ITGA8: variants seen among roughly 807,000 people sequenced by gnomAD.
The protein encoded by ITGA8 is integrin subunit alpha 8.
ITGA8 carries 91 observed loss-of-function variants against 142.3 expected under a neutral mutation model. The observed-to-expected ratio is 0.64, with a 90% confidence interval of 0.54 to 0.76. The LOEUF is 0.76. ITGA8 is among the 30% of genes least tolerant of loss of function. The pLI is 0.00. For missense variants in ITGA8, 1,406 were observed against 1,327.7 expected, an observed-to-expected ratio of 1.06 and a Z score of -0.92; for synonymous variants, 505 against 485.2, an observed-to-expected ratio of 1.04 and a Z score of -0.54.
chr10:15,656,454 C>G (rs949572938), intron 10 of ITGA8, among the ~76,000 whole-genome samples: 1 of 152,016 alleles, frequency 6.6e-6, no homozygotes, highest in Non-Finnish European at 1.5e-5. Context: ...ACCTCCACCT[C>G]CTGGATTCAG....
chr10:15,551,998 TAGAA>T (rs376071340), intron 26 of ITGA8, among the ~76,000 whole-genome samples: 44 of 152,008 alleles, frequency 2.9e-4, no homozygotes, highest in African/African-American at 9.7e-4. Context: ...AGAGAAACAA[TAGAA>T]GGAAAAAAAT....
chr10:15,528,789 C>T (rs961935480), intron 28 of ITGA8, among the ~76,000 whole-genome samples: 1 of 152,156 alleles, frequency 6.6e-6, no homozygotes, highest in African/African-American at 2.4e-5. Context: ...ATCCCAAAGC[C>T]TCTGTTTTCT....
chr10:15,692,864 T>C (rs922854868), intron 2 of ITGA8, among the ~76,000 whole-genome samples: 3 of 152,212 alleles, frequency 2.0e-5, no homozygotes, highest in African/African-American at 7.2e-5. Flanking sequence ...GGCCAGGAGT[T>C]TGAGACCAGC....
intron 13 of ITGA8, among the ~76,000 whole-genome samples, chr10:15,625,439 T>C (rs1056114303): frequency 1.4e-5 from 2 of 147,384 alleles, no homozygotes; most frequent in African/African-American, 4.9e-5. Context: ...CTGAATCACA[T>C]GTGTGCCGTC....
intron 15 of ITGA8, 134 bp from the exon 16 acceptor site, chr10:15,608,424 CCCA>C: frequency 2.1e-5 from 11 of 536,050 alleles, no homozygotes; most frequent in South Asian, 5.0e-5. Flanking sequence ...CACACACACA[CCCA>C]CACACACACC....
intron 11 of ITGA8, among the ~76,000 whole-genome samples, chr10:15,650,143 C>G (rs1349791602): frequency 6.6e-6 from 1 of 152,076 alleles, no homozygotes; most frequent in African/African-American, 2.4e-5. Context: ...GGAGGAACCT[C>G]AAATATACAT....
chr10:15,556,024 T>C (rs1317470350), intron 26 of ITGA8, among the ~76,000 whole-genome samples: 46 of 77,818 alleles, frequency 5.9e-4, no homozygotes, highest in African/African-American at 2.1e-3. Flanking sequence ...CTCTCTTTTT[T>C]TTTTTTTTTT....
At chr10:15,557,324 G>T (rs1051217125) in intron 26 of ITGA8, among the ~76,000 whole-genome samples, 2 of 152,168 alleles carry the variant, frequency 1.3e-5, no homozygotes, top group East Asian at 1.9e-4. Flanking sequence ...AGGTTGCAGT[G>T]AGCTGAGATT....
At chr10:15,517,450 A>G (rs1832984913) in intron 29 of ITGA8, among the ~76,000 whole-genome samples, 1 of 151,846 alleles carries the variant, frequency 6.6e-6, no homozygotes, top group African/African-American at 2.4e-5. Flanking sequence ...CAGCCTCCGG[A>G]GTAGCTGGGA....
chr10:15,554,281 C>T (rs994037210), intron 26 of ITGA8, among the ~76,000 whole-genome samples: 4 of 152,142 alleles, frequency 2.6e-5, no homozygotes, highest in Non-Finnish European at 2.9e-5. Flanking sequence ...CTGATAACTC[C>T]GACCGGGACC....
intron 2 of ITGA8, among the ~76,000 whole-genome samples, chr10:15,691,489 G>A (rs1437852309): frequency 2.0e-5 from 3 of 152,140 alleles, no homozygotes; most frequent in Non-Finnish European, 4.4e-5. Context: ...TGTATATGAT[G>A]GAACACAATT....
intron 2 of ITGA8, among the ~76,000 whole-genome samples, chr10:15,698,432 T>A (rs1487077651): frequency 6.6e-6 from 1 of 152,226 alleles, no homozygotes; most frequent in African/African-American, 2.4e-5. Flanking sequence ...TACCTAGTAC[T>A]GGGATTGCTG....
chr10:15,519,708 T>C (rs1321529884), intron 28 of ITGA8, among the ~76,000 whole-genome samples: 2 of 152,162 alleles, frequency 1.3e-5, no homozygotes, highest in Non-Finnish European at 2.9e-5. Context: ...TGGAAAGGAA[T>C]GGCCTTCACT....
At chr10:15,636,120 C>G (rs148611057) in intron 13 of ITGA8, among the ~76,000 whole-genome samples, 186 of 152,254 alleles carry the variant, frequency 1.2e-3, no homozygotes, top group African/African-American at 4.3e-3. Flanking sequence ...AGGATTTCTG[C>G]CCCTCAACAA....
intron 13 of ITGA8, among the ~76,000 whole-genome samples, chr10:15,642,764 A>G (rs1026713411): frequency 5.9e-5 from 9 of 152,228 alleles, no homozygotes; most frequent in Non-Finnish European, 1.0e-4. Context: ...TGGCAAATTT[A>G]TAAGAATATG....
chr10:15,524,584 T>C (rs1833132077), intron 28 of ITGA8, among the ~76,000 whole-genome samples: 1 of 152,166 alleles, frequency 6.6e-6, no homozygotes, highest in Non-Finnish European at 1.5e-5. Context: ...TCTAAATCAG[T>C]AAATGGCAAT....
At chr10:15,655,060 G>A (rs1283334573) in intron 11 of ITGA8, among the ~76,000 whole-genome samples, 1 of 151,640 alleles carries the variant, frequency 6.6e-6, no homozygotes, top group South Asian at 2.1e-4. Context: ...ATAGATGAAT[G>A]TTCTCAATGG....
At chr10:15,635,544 C>A (rs1038469936) in intron 13 of ITGA8, among the ~76,000 whole-genome samples, 2 of 152,138 alleles carry the variant, frequency 1.3e-5, no homozygotes, top group African/African-American at 4.8e-5. Context: ...GGCCTTTTCA[C>A]TTTCCACTCA....
intron 19 of ITGA8, among the ~76,000 whole-genome samples, chr10:15,604,656 AT>A (rs1158558764): frequency 3.7e-4 from 56 of 151,624 alleles, no homozygotes; most frequent in Admixed American, 3.7e-3. Context: ...AACCGTGGTC[AT>A]TTTCAAGCTA....
Sources: allele counts gnomAD v4.1 joint callset (sites outside exome capture counted in the v4.1 genomes callset), GRCh38; gene constraint gnomAD v4.1.1; transcripts MANE v1.5; gene names NCBI Gene and HGNC (gene_info 2026-07-23, HGNC 2026-07-21).